Variants in PLSCR2 observed in about 807,000 individuals in gnomAD.
The protein encoded by PLSCR2 is phospholipid scramblase 2, also known as PL scramblase 2.
A neutral mutation model predicts 25.3 loss-of-function variants in PLSCR2; 18 were observed. The observed-to-expected ratio is 0.71, with a 90% confidence interval of 0.49 to 1.06. The LOEUF (loss-of-function observed/expected upper bound fraction) is 1.06, where lower values mean the gene tolerates loss of function less well. PLSCR2 is among the 50% of genes least tolerant of loss of function. PLSCR2 has a pLI of 0.00. For missense variants in PLSCR2, 243 were observed against 269.5 expected, an observed-to-expected ratio of 0.90 and a Z score of 0.69; for synonymous variants, 88 against 87.3, an observed-to-expected ratio of 1.01 and a Z score of -0.04.
At chr3:146,428,007 T>A (rs756042971) in intron 2 of PLSCR2, among the ~76,000 whole-genome samples, 8 of 152,196 alleles carry the variant, frequency 5.3e-5, no homozygotes, top group Non-Finnish European at 1.0e-4. Context: ...TGAGTGACTA[T>A]CTTTTTCACA....
At chr3:146,464,660 T>A (rs1477784385), upstream of PLSCR2, among the ~76,000 whole-genome samples, 1 of 152,202 alleles carries the variant, frequency 6.6e-6, no homozygotes, top group Non-Finnish European at 1.5e-5. Context: ...GAACTTCAAG[T>A]TACAATCTGA....
intron 1 of PLSCR2, among the ~76,000 whole-genome samples, chr3:146,492,042 A>G (rs2108582130): frequency 6.6e-6 from 1 of 152,148 alleles, no homozygotes; most frequent in African/African-American, 2.4e-5. Context: ...GAAGGATTTG[A>G]CTGTGTTATA....
intron 2 of PLSCR2, among the ~76,000 whole-genome samples, chr3:146,415,755 A>G (rs1392205236): frequency 6.6e-6 from 1 of 152,166 alleles, no homozygotes; most frequent in African/African-American, 2.4e-5. Context: ...TTGAAATCAT[A>G]AACTTTGATT....
intron 1 of PLSCR2, among the ~76,000 whole-genome samples, chr3:146,474,295 T>G (rs538293738): frequency 7.9e-4 from 121 of 152,314 alleles, no homozygotes; most frequent in African/African-American, 2.8e-3. Flanking sequence ...GGGTTTTATT[T>G]CTTTTCAATA....
At chr3:146,472,538 T>G (rs1449362359) in intron 1 of PLSCR2, among the ~76,000 whole-genome samples, 1 of 152,186 alleles carries the variant, frequency 6.6e-6, no homozygotes, top group African/African-American at 2.4e-5. Context: ...TTCTAACACA[T>G]ACATGGCATC....
chr3:146,428,807 G>T, downstream of PLSCR2, among the ~76,000 whole-genome samples: 1 of 152,142 alleles, frequency 6.6e-6, no homozygotes, highest in Middle Eastern at 3.2e-3. Flanking sequence ...GTTCTGAGAG[G>T]ATAATCAATA....
At chr3:146,455,127 T>G in intron 4 of PLSCR2, 112 bp downstream of exon 4, 1 of 705,792 alleles carries the variant, frequency 1.4e-6, no homozygotes, top group Non-Finnish European at 2.4e-6. Flanking sequence ...CCCAAACATA[T>G]AGCTCATGGA....
chr3:146,414,223 A>C (rs1245605733), intron 2 of PLSCR2, among the ~76,000 whole-genome samples: 2 of 152,182 alleles, frequency 1.3e-5, no homozygotes, highest in African/African-American at 4.8e-5. Flanking sequence ...TCACCTCTTA[A>C]AGGTCCAACC....
chr3:146,483,590 T>C (rs1014116470), intron 1 of PLSCR2, among the ~76,000 whole-genome samples: 5 of 149,352 alleles, frequency 3.3e-5, no homozygotes, highest in Non-Finnish European at 5.9e-5. Flanking sequence ...CTTTGCTGTT[T>C]GCTGTTCTCC....
At chr3:146,480,648 C>CA (rs150618747) in intron 1 of PLSCR2, among the ~76,000 whole-genome samples, 49,066 of 151,878 alleles carry the variant, frequency 0.32, 7,955 homozygotes, top group South Asian at 0.41. Flanking sequence ...TGAATTCTAC[C>CA]GAGGTACAAA....
At chr3:146,468,281 A>C (rs550368895) in intron 1 of PLSCR2, among the ~76,000 whole-genome samples, 2 of 152,334 alleles carry the variant, frequency 1.3e-5, no homozygotes, top group South Asian at 4.1e-4. Flanking sequence ...TGTAAACATC[A>C]GGGTGGCAAT....
upstream of PLSCR2, among the ~76,000 whole-genome samples, chr3:146,463,314 C>T (rs1395976204): frequency 1.3e-5 from 2 of 152,080 alleles, no homozygotes; most frequent in Non-Finnish European, 2.9e-5. Context: ...GTAGCTGGGA[C>T]TACAGGCACC....
chr3:146,472,968 GTTC>G (rs1359831136), intron 1 of PLSCR2, among the ~76,000 whole-genome samples: 1 of 152,240 alleles, frequency 6.6e-6, no homozygotes, highest in South Asian at 2.1e-4. Flanking sequence ...AAGAGCTCTG[GTTC>G]TTCTTCCTCT....
intron 1 of PLSCR2, among the ~76,000 whole-genome samples, chr3:146,466,534 T>C (rs1250340837): frequency 6.6e-6 from 1 of 152,166 alleles, no homozygotes; most frequent in Non-Finnish European, 1.5e-5. Context: ...CCAACTGAAA[T>C]TGTAGTAGTA....
At position 146,487,509 on chromosome 3, in the gene PLSCR2, A is replaced by C. The variant is rs191663322; in HGVS notation, c.-293+8386T>G. On this transcript the variant is annotated intron_variant, in intron 1 of 8. Transcript: ENST00000336685. ...CAAGCAATGTGTAAAAATCATAAGC[A>C]TTCCTATAGACCAAAGAATAGACAA... 2.2e-3 allele frequency among the ~76,000 whole-genome samples: 337 copies of C among 152,246 alleles called. 7 individuals carry two copies. Among genetic ancestry groups the C allele is most frequent in the Admixed American group, 0.021 (323 of 15,270 alleles).
intron 1 of PLSCR2, among the ~76,000 whole-genome samples, chr3:146,476,009 T>G (rs2042270860): frequency 6.6e-6 from 1 of 152,042 alleles, no homozygotes; most frequent in Admixed American, 6.6e-5. Flanking sequence ...ATGCCCCAAC[T>G]ATTATTAAGG....
intron 3 of PLSCR2, among the ~76,000 whole-genome samples, chr3:146,393,027 C>CTTTTTTTTTTTTTTTTTTTTTTTTCTT (rs1296969192): frequency 9.6e-6 from 1 of 104,422 alleles, no homozygotes; most frequent in Non-Finnish European, 1.9e-5. Flanking sequence ...ATTTACATTC[C>CTTTTTTTTTTTTTTTTTTTTTTTTCTT]TTTTTTTTTT....
rs138490631 is a variant in PLSCR2 at position 146,473,552 on chromosome 3, C to T, written c.-292-13268G>A. On this transcript the variant is annotated intron_variant, in intron 1 of 8. Transcript: ENST00000336685. ...AACCCCTGACATCAGGTGATCCACC[C>T]ACCTCGACCTCCCAAAATGCTGCGA... Among the ~76,000 whole-genome samples, 940 of 152,192 alleles carry T rather than the reference C, an allele frequency of 6.2e-3. 19 individuals carry two copies. Among genetic ancestry groups the T allele is most frequent in the Middle Eastern group, 0.024 (7 of 294 alleles).
intron 2 of PLSCR2, among the ~76,000 whole-genome samples, chr3:146,401,811 A>G (rs1205129210): frequency 6.6e-6 from 1 of 151,904 alleles, no homozygotes; most frequent in Admixed American, 6.6e-5. Context: ...AATTTCAAAG[A>G]AGTTGACCCA....
Sources: gnomAD v4.1 joint callset for allele counts (sites outside exome capture counted in the v4.1 genomes callset) on GRCh38, gnomAD v4.1.1 for gene constraint, MANE v1.5 for transcripts, NCBI Gene and HGNC (gene_info 2026-07-23, HGNC 2026-07-21) for gene names.